Variants in LINGO2 observed in about 807,000 individuals in gnomAD.
The protein encoded by LINGO2 is leucine rich repeat and Ig domain containing 2.
LINGO2 carries 14 observed loss-of-function variants against 30.6 expected under a neutral mutation model. The ratio of observed to expected loss-of-function variants is 0.46; its 90% confidence interval spans 0.30 to 0.72. LINGO2 has a LOEUF of 0.72. Among genes scored for constraint, LINGO2 ranks in the 30% least tolerant of loss-of-function variants. The pLI is 0.07. For synonymous variants in LINGO2, 317 were observed against 288.5 expected (o/e 1.10, Z -1.00); for missense variants, 729 against 751.7 (o/e 0.97, Z 0.35).
At chr9:29,085,127 T>A in the LINGO2 span, among the ~76,000 whole-genome samples, 4 of 151,792 alleles carry the variant, frequency 2.6e-5, no homozygotes, top group African/African-American at 9.7e-5. Context: ...CCTAAATCGA[T>A]CTATTTTATC....
At chr9:28,146,852 T>A (rs540266649) in intron 4 of LINGO2, among the ~76,000 whole-genome samples, 1 of 152,258 alleles carries the variant, frequency 6.6e-6, no homozygotes, top group African/African-American at 2.4e-5. Flanking sequence ...ATGTATTTGC[T>A]TTCTAGACAC....
chr9:28,210,644 T>C (rs1329868804), intron 4 of LINGO2, among the ~76,000 whole-genome samples: 1 of 151,646 alleles, frequency 6.6e-6, no homozygotes, highest in Admixed American at 6.6e-5. Flanking sequence ...TCTGCACCTA[T>C]GTAAATTTGT....
chr9:29,052,245 C>A, the LINGO2 span, among the ~76,000 whole-genome samples: 1 of 152,082 alleles, frequency 6.6e-6, no homozygotes, highest in Non-Finnish European at 1.5e-5. Flanking sequence ...CAATACTGAC[C>A]TTTCACTCAT....
intron 4 of LINGO2, among the ~76,000 whole-genome samples, chr9:28,289,845 AC>A (rs934644985): frequency 6.6e-6 from 1 of 152,188 alleles, no homozygotes. Context: ...CAGGCTAGAA[AC>A]CAGGAAGCAG....
intron 1 of LINGO2, among the ~76,000 whole-genome samples, chr9:28,550,919 A>C (rs573421697): frequency 1.3e-5 from 2 of 152,010 alleles, no homozygotes; most frequent in African/African-American, 2.4e-5. Flanking sequence ...AAATATGTAC[A>C]AAAGAATGAT....
At chr9:28,775,702 T>C in the LINGO2 span, among the ~76,000 whole-genome samples, 1 of 152,228 alleles carries the variant, frequency 6.6e-6, no homozygotes. Context: ...ATTAAAGATG[T>C]AATTTTAAGA....
intron 2 of LINGO2, among the ~76,000 whole-genome samples, chr9:28,438,911 T>A (rs1824070017): frequency 1.4e-5 from 1 of 73,388 alleles, no homozygotes; most frequent in South Asian, 6.1e-4. Flanking sequence ...ACATTATATA[T>A]AATGAAATAT....
chr9:28,167,775 T>C (rs1335784329), intron 4 of LINGO2, among the ~76,000 whole-genome samples: 1 of 152,222 alleles, frequency 6.6e-6, no homozygotes. Flanking sequence ...TCTAGGTTAC[T>C]GCATTATGGC....
intron 5 of LINGO2, among the ~76,000 whole-genome samples, chr9:27,998,798 G>A (rs2119113611): frequency 6.6e-6 from 1 of 152,082 alleles, no homozygotes; most frequent in African/African-American, 2.4e-5. Context: ...CAAAAAAACA[G>A]AACAAAACAA....
intron 1 of LINGO2, among the ~76,000 whole-genome samples, chr9:28,605,856 C>G (rs908718334): frequency 1.3e-5 from 2 of 152,022 alleles, no homozygotes; most frequent in African/African-American, 4.8e-5. Flanking sequence ...TAGCAGAGCT[C>G]CATAGTTGCT....
intron 1 of LINGO2, among the ~76,000 whole-genome samples, chr9:28,649,627 C>T (rs1452322853): frequency 6.6e-6 from 1 of 151,974 alleles, no homozygotes; most frequent in Non-Finnish European, 1.5e-5. Context: ...TTCCATTCTG[C>T]CTCAATTCCT....
chr9:27,995,399 C>T (rs1412940574), intron 5 of LINGO2, among the ~76,000 whole-genome samples: 1 of 152,154 alleles, frequency 6.6e-6, no homozygotes, highest in Non-Finnish European at 1.5e-5. Context: ...CAGCTTTACC[C>T]TGCTACCCAA....
chr9:27,956,763 C>A (rs1048616577), intron 5 of LINGO2, among the ~76,000 whole-genome samples: 35 of 152,036 alleles, frequency 2.3e-4, no homozygotes, highest in Non-Finnish European at 4.9e-4. Context: ...CCTCCTACAG[C>A]TATCTAGTTT....
At chr9:28,716,692 T>C in the LINGO2 span, among the ~76,000 whole-genome samples, 1 of 152,096 alleles carries the variant, frequency 6.6e-6, no homozygotes, top group Non-Finnish European at 1.5e-5. Context: ...TTCTGGTAGA[T>C]AAGACAGAAA....
At chr9:28,323,085 T>A (rs1208637066) in intron 3 of LINGO2, among the ~76,000 whole-genome samples, 2 of 152,208 alleles carry the variant, frequency 1.3e-5, no homozygotes. Flanking sequence ...TGTTAAAATC[T>A]GGTGTATAAA....
chr9:28,168,258 A>G (rs1828488442), intron 4 of LINGO2, among the ~76,000 whole-genome samples: 2 of 152,202 alleles, frequency 1.3e-5, no homozygotes, highest in African/African-American at 4.8e-5. Context: ...TGATTAAGCC[A>G]TGGTTTCTAT....
At chr9:29,028,937 A>T in the LINGO2 span, among the ~76,000 whole-genome samples, 1 of 152,198 alleles carries the variant, frequency 6.6e-6, no homozygotes, top group Non-Finnish European at 1.5e-5. Context: ...TACTAAGTGA[A>T]GATGAATTTT....
At chr9:29,213,598 A>G in the LINGO2 span, among the ~76,000 whole-genome samples, 1 of 151,948 alleles carries the variant, frequency 6.6e-6, no homozygotes, top group African/African-American at 2.4e-5. Flanking sequence ...CTGCGCACAC[A>G]CACAGGCGCG....
intron 5 of LINGO2, among the ~76,000 whole-genome samples, chr9:27,994,707 G>A (rs1029082336): frequency 6.6e-6 from 1 of 152,110 alleles, no homozygotes; most frequent in Non-Finnish European, 1.5e-5. Context: ...ATTGGCCCAC[G>A]CATGTGCACC....
Sources: gnomAD v4.1 joint callset for allele counts (sites outside exome capture counted in the v4.1 genomes callset) on GRCh38, gnomAD v4.1.1 for gene constraint, MANE v1.5 for transcripts, NCBI Gene and HGNC (gene_info 2026-07-23, HGNC 2026-07-21) for gene names.